CRELD1: variants seen among roughly 807,000 people sequenced by gnomAD.
The protein encoded by CRELD1 is CRELD disulfide isomerase 1.
In CRELD1, 42 loss-of-function variants were observed where a neutral mutation model predicts 58.2. The observed-to-expected ratio is 0.72, with a 90% CI of 0.56 to 0.93. CRELD1 has a LOEUF of 0.93. CRELD1 is among the 40% of genes least tolerant of loss of function. The pLI is 0.00. For synonymous variants in CRELD1, 222 were observed against 202.0 expected, an observed-to-expected ratio of 1.10 and a Z score of -0.84; for missense variants, 500 against 540.6, an observed-to-expected ratio of 0.92 and a Z score of 0.74.
chr3:9,945,006 A>G lies in CRELD1; in HGVS notation c.*427A>G. On this transcript the variant is annotated 3_prime_UTR_variant, in exon 11 of 11. Transcript: ENST00000452070. ...GCCACTTATTTATTCATCTCAGGAA[A>G]TAAAGAAAGGTCTTGGAAAGTTAAA... 3.9e-6 allele frequency: 1 copy of G among 253,634 alleles called. No homozygotes were observed. The highest frequency in any genetic ancestry group is 7.9e-6 in the Non-Finnish European group (1 of 127,290). 15.7% of individuals were successfully genotyped at this position (253,634 alleles called of 1,614,324 possible).
rs2085407468 is a variant in CRELD1 at position 9,942,908 on chromosome 3, C to T, written c.817+12C>T. 6.2e-7 allele frequency: 1 copy of T among 1,611,454 alleles called. No homozygotes were observed. The highest frequency in any genetic ancestry group is 8.5e-7 in the Non-Finnish European group (1 of 1,177,506). On this transcript the variant is annotated intron_variant, in intron 8 of 10. Transcript: ENST00000452070. Reference sequence around the variant, plus strand: ...CTATGAGTGCCGAGGTCAGTGTCTACTTCTGCAGAGGAGGGGACGTGAGGA... The same window carrying T: ...CTATGAGTGCCGAGGTCAGTGTCTATTTCTGCAGAGGAGGGGACGTGAGGA...
intron 5 of CRELD1, among the ~76,000 whole-genome samples, chr3:9,938,817 G>A (rs1175734582): frequency 6.6e-6 from 1 of 151,722 alleles, no homozygotes; most frequent in Non-Finnish European, 1.5e-5. Flanking sequence ...CCGAGATCAT[G>A]CCACTGCACT....
chr3:9,943,321 T>G (rs2085421472), intron 9 of CRELD1, 60 bp from the exon 10 acceptor site: 1 of 1,612,694 alleles, frequency 6.2e-7, no homozygotes, highest in African/African-American at 1.3e-5. Context: ...ATGGACAAGA[T>G]GGAGTCAGGG....
Position 9,944,497 on chromosome 3 carries a change from T to A in CRELD1, c.1181T>A (p.Ile394Asn). ...KGDLVFTAIF[I>N]GAVAAMTGYW... ...GACTTGGTGTTCACCGCCATCTTCA[T>A]TGGGGCTGTGGCGGCCATGACTGGC... The change falls in exon 11 of 11, where the codon ATT becomes AAT. Residue 394 changes from isoleucine (I) to asparagine (N), a missense_variant. Physicochemically the swap from Ile to Asn is moderately radical, Grantham distance 149. Coordinates refer to ENST00000452070, the MANE Select transcript of CRELD1 (RefSeq NM_001077415.3). 6.2e-7 allele frequency: 1 copy of A among 1,613,078 alleles called. No individual in the cohort carries two copies.
chr3:9,941,789 CAAAAAAAAAAAA>C (rs34088708), intron 7 of CRELD1, among the ~76,000 whole-genome samples: 5 of 20,628 alleles, frequency 2.4e-4, no homozygotes, highest in Non-Finnish European at 4.0e-4. Flanking sequence ...GACTCCATCT[CAAAAAAAAAAAA>C]AAAAAAAAAA....
chr3:9,936,538 C>T (rs944275646), intron 3 of CRELD1, among the ~76,000 whole-genome samples: 18 of 129,968 alleles, frequency 1.4e-4, no homozygotes, highest in South Asian at 2.4e-4. Flanking sequence ...TATATATGTG[C>T]GTATATATAT....
chr3:9,942,999 C>T, intron 8 of CRELD1, 78 bp from the exon 9 acceptor site: 1 of 1,549,282 alleles, frequency 6.5e-7, no homozygotes, highest in South Asian at 1.1e-5. Flanking sequence ...CAGAGCACCC[C>T]CAGGCCTCCG....
In CRELD1 at chr3:9,942,767, C is replaced by T. The variant is rs757638807; in HGVS notation, c.734-46C>T. ...CCCAACGGCTCTGGCTTCAGCTTCC[C>T]TACTAAATAGGGATTGAAATTCTCA... On this transcript the variant is annotated intron_variant, in intron 7 of 10. Transcript: ENST00000452070. The T allele has an allele frequency of 2.7e-6, 4 of 1,494,268 alleles. 1 individual carries two copies. In the South Asian group the frequency reaches 3.4e-5, roughly 13 times the overall value. 92.6% of individuals were successfully genotyped at this position (1,494,268 alleles called of 1,614,324 possible).
chr3:9,938,421 G>A, intron 5 of CRELD1: 4 of 364,692 alleles, frequency 1.1e-5, no homozygotes, highest in African/African-American at 2.1e-5. Context: ...GGCGGGTGCT[G>A]ACCTGGAGCC....
rs1282759638 is a variant in CRELD1, at chr3:9,937,546, T to C, written c.258-16T>C. 1 of 1,586,402 alleles carries C rather than the reference T, an allele frequency of 6.3e-7. No individual in the cohort carries two copies. ...GGTGGGGCATGTTTCCCACCAGCCC[T>C]GCCCTGTCCGATCAGTGAGACCCGC... On this transcript the variant is annotated splice_polypyrimidine_tract_variant and intron_variant, in intron 3 of 10. Transcript: ENST00000452070.
intron 7 of CRELD1, among the ~76,000 whole-genome samples, chr3:9,941,789 CAA>C (rs34088708): frequency 0.042 from 854 of 20,440 alleles, 4 homozygotes; most frequent in African/African-American, 0.13. Context: ...GACTCCATCT[CAA>C]AAAAAAAAAA....
At chr3:9,941,789 CAAAAAAA>C (rs34088708) in intron 7 of CRELD1, among the ~76,000 whole-genome samples, 3 of 20,628 alleles carry the variant, frequency 1.5e-4, no homozygotes, top group African/African-American at 3.3e-4. Context: ...GACTCCATCT[CAAAAAAA>C]AAAAAAAAAA....
rs1343392639 is a variant in CRELD1, at chr3:9,945,383, C to G, written c.*804C>G. ...AACAGATATTCAATAAAAGTGTGGTCGCCATTATGACCAGAGCCTCCAAGC... is the reference window on the plus strand; with the variant it reads ...AACAGATATTCAATAAAAGTGTGGTGGCCATTATGACCAGAGCCTCCAAGC... On this transcript the variant is annotated 3_prime_UTR_variant, in exon 11 of 11. Transcript: ENST00000452070. 1 of 152,404 alleles carries G rather than the reference C, an allele frequency of 6.6e-6. No individual in the cohort carries two copies. Among genetic ancestry groups the G allele is most frequent in the Non-Finnish European group, 1.5e-5 (1 of 68,136 alleles). The allele number at this position is 152,404 out of a possible 1,614,324, so 9.4% of individuals were successfully genotyped here.
At chr3:9,940,761 AAGGGAGAGGGAG>A (rs376951607) in intron 5 of CRELD1, 77 bp from the exon 6 acceptor site, 7 of 841,498 alleles carry the variant, frequency 8.3e-6, no homozygotes, top group South Asian at 4.6e-5. Flanking sequence ...GAGGGAAGGC[AAGGGAGAGGGAG>A]AGGGAGAGGG....
chr3:9,944,396 A>G lies in CRELD1; in HGVS notation c.1080A>G (p.Glu360=), dbSNP rs201194201. The G allele has an allele frequency of 1.5e-4, 235 of 1,614,152 alleles. 2 individuals are homozygous for G. The highest frequency in any genetic ancestry group is 1.2e-3 in the South Asian group (106 of 91,076). ...CAGGCTTCTTCTCAGAGATGACAGA[A>G]GACGAGTTGGTGGTGCTGCAGCAGA... The part of the protein sequence containing the change: ...ESAGFFSEMT[E]DELVVLQQMF... Residue 360 remains glutamate (E), a synonymous_variant, in exon 11 of 11, where the codon GAA becomes GAG. Transcript: ENST00000452070.
chr3:9,937,928 G>T, intron 4 of CRELD1, 87 bp from the exon 5 acceptor site: 1 of 993,492 alleles, frequency 1.0e-6, no homozygotes, highest in South Asian at 1.3e-5. Context: ...TTGAATCACA[G>T]ATTCAGGCAT....
Position 9,934,625 on chromosome 3 carries a change from G to A in CRELD1, c.174+13G>A, listed in dbSNP as rs1559333905. The A allele has an allele frequency of 1.2e-6, 2 of 1,611,650 alleles. No individual in the cohort carries two copies. Among genetic ancestry groups the A allele is most frequent in the Non-Finnish European group, 1.7e-6 (2 of 1,177,988 alleles). On this transcript the variant is annotated intron_variant, in intron 2 of 10. Transcript: ENST00000452070. ...CAGCTTTAACAAGGTGGGTGCACCG[G>A]CAGCCTCGTTAGAGGGGAACACAGC...
At chr3:9,939,951 C>A (rs1352039808) in intron 5 of CRELD1, among the ~76,000 whole-genome samples, 1 of 150,858 alleles carries the variant, frequency 6.6e-6, no homozygotes, top group Non-Finnish European at 1.5e-5. Flanking sequence ...GGCGGCTGGC[C>A]GGGCGGGGGG....
Position 9,941,148 on chromosome 3 carries a change from G to T in CRELD1, c.675G>T (p.Glu225Asp), listed in dbSNP as rs765033687. ...CCTGTGCCCGATGCTCAGGACCTGA[G>T]GAATCAAACTGTTTGCAATGCAAGA... ...FGPCARCSGP[E>D]ESNCLQCKKG... Residue 225 changes from glutamate to aspartate, a missense_variant, in exon 7 of 11, where the codon GAG becomes GAT. Glu to Asp is a conservative substitution (Grantham distance 45, BLOSUM62 2). Transcript: ENST00000452070. The T allele has an allele frequency of 2.3e-5, 37 of 1,614,094 alleles. No individual in the cohort carries two copies. The South Asian group carries it at 4.0e-4, about 17-fold the overall frequency.
Sources: allele counts gnomAD v4.1 joint callset (sites outside exome capture counted in the v4.1 genomes callset), GRCh38; gene constraint gnomAD v4.1.1; transcripts MANE v1.5; gene names NCBI Gene and HGNC (gene_info 2026-07-23, HGNC 2026-07-21).